Variants in OLFM1 observed in about 807,000 individuals in gnomAD.
OLFM1 encodes olfactomedin 1.
In OLFM1, 9 loss-of-function variants were observed where a neutral mutation model predicts 49.7. That is an observed-to-expected ratio of 0.18 (90% CI 0.11 to 0.32). The LOEUF is 0.32. OLFM1 is among the 10% of genes least tolerant of loss of function. The pLI is 1.00. For missense variants in OLFM1, 369 were observed against 661.8 expected (o/e 0.56, Z 4.85); for synonymous variants, 240 against 271.8 (o/e 0.88, Z 1.15).
chr9:135,083,545 T>C (rs2119090250), upstream of OLFM1, among the ~76,000 whole-genome samples: 1 of 152,036 alleles, frequency 6.6e-6, no homozygotes, highest in African/African-American at 2.4e-5. Context: ...GGCAAGTAGC[T>C]CCCCATCACT....
In OLFM1 at chr9:135,077,150, G is replaced by GCACACACA. The variant is rs147807021; in HGVS notation, c.96+1359_96+1366dup. On this transcript the variant is annotated intron_variant, in intron 1 of 5. Transcript: ENST00000252854. ...GCTGGACAGATGCATTCATTCATGT[G>GCACACACA]CACACACACACACACACATGCACAC... 20 of 1,509,232 alleles carry GCACACACA rather than the reference G, an allele frequency of 1.3e-5. No individual in the cohort carries two copies. The African/African-American group carries it at 2.1e-4, about 16-fold the overall frequency. 93.5% of individuals were successfully genotyped at this position (1,509,232 alleles called of 1,614,324 possible).
intron 2 of OLFM1, among the ~76,000 whole-genome samples, chr9:135,091,694 CACACAG>C (rs1830705193): frequency 7.0e-6 from 1 of 142,768 alleles, no homozygotes; most frequent in Non-Finnish European, 1.5e-5. Flanking sequence ...GTCTCACACA[CACACAG>C]TCACACTCAC....
At position 135,098,548 on chromosome 9, in the gene OLFM1, C is replaced by T. The variant is rs754043275; in HGVS notation, c.676+43C>T. Reference sequence around the variant, plus strand: ...CGGGACGTGGCGCTGCACTGCCCACCTCCGGCACACGCACAGGCTTAGGGA... The same window carrying T: ...CGGGACGTGGCGCTGCACTGCCCACTTCCGGCACACGCACAGGCTTAGGGA... On this transcript the variant is annotated intron_variant, in intron 4 of 5. Coordinates refer to ENST00000371793, the MANE Select transcript of OLFM1 (RefSeq NM_001282611.2). The surrounding 1 kb of genome is among the most constrained non-coding windows in gnomAD (Gnocchi z 5.6). 1.1e-4 allele frequency: 164 copies of T among 1,530,948 alleles called. No individual in the cohort carries two copies. Among genetic ancestry groups the T allele is most frequent in the Non-Finnish European group, 1.4e-4 (160 of 1,107,012 alleles). The allele number at this position is 1,530,948 out of a possible 1,614,324, so 94.8% of individuals were successfully genotyped here. A position where few individuals can be genotyped will look rare whatever the true frequency, so the allele number is the denominator to read the frequency against.
At position 135,113,265 on chromosome 9, in the gene OLFM1, G is replaced by A. The variant is rs1182176902; in HGVS notation, c.784-6239G>A. On this transcript the variant is annotated intron_variant, in intron 5 of 5. Coordinates refer to ENST00000371793, the MANE Select transcript of OLFM1 (RefSeq NM_001282611.2). This position sits in a 1 kb window ranked among gnomAD's most constrained non-coding sequence, Gnocchi z 4.0. Reference sequence around the variant, plus strand: ...GGCTAGTCCGGAGGCCAAGCCCCCTGTGGTCTCGGTTTTCAGATGGGCTGA... The same window carrying A: ...GGCTAGTCCGGAGGCCAAGCCCCCTATGGTCTCGGTTTTCAGATGGGCTGA... 6.6e-6 allele frequency among the ~76,000 whole-genome samples: 1 copy of A among 152,114 alleles called. No individual in the cohort carries two copies. The highest frequency in any genetic ancestry group is 1.5e-5 in the Non-Finnish European group (1 of 68,030).
intron 4 of OLFM1, among the ~76,000 whole-genome samples, chr9:135,102,511 G>C (rs1402146903): frequency 6.6e-6 from 1 of 152,194 alleles, no homozygotes; most frequent in African/African-American, 2.4e-5. Context: ...CTCCCAGGAA[G>C]TTCTCCAGAT....
Position 135,107,279 on chromosome 9 carries a change from A to G in OLFM1, c.783+424A>G, listed in dbSNP as rs1015797821. ...ATTAGGCCTTTCTTGTTTTAATGAC[A>G]TCTCATTTGTATTTCATTTGCCATT... On this transcript the variant is annotated intron_variant, in intron 5 of 5. Transcript: ENST00000371793. 3.3e-5 allele frequency among the ~76,000 whole-genome samples: 5 copies of G among 152,326 alleles called. No homozygotes were observed. In the South Asian group the frequency reaches 6.2e-4, roughly 19 times the overall value.
At chr9:135,119,461 G>C in intron 5 of OLFM1, 43 bp from the exon 6 acceptor site, 2 of 1,521,212 alleles carry the variant, frequency 1.3e-6, no homozygotes, top group Non-Finnish European at 9.0e-7. Flanking sequence ...AGTACTCACT[G>C]GGTCTTTGGA....
chr9:135,087,834 GGGC>G lies in OLFM1; in HGVS notation c.-141_-139del, dbSNP rs995488041. 5.6e-4 allele frequency: 511 copies of G among 919,684 alleles called. No individual in the cohort carries two copies. The highest frequency in any genetic ancestry group is 6.1e-4 in the Non-Finnish European group (468 of 772,650). The allele number at this position is 919,684 out of a possible 1,614,324, so 57.0% of individuals were successfully genotyped here. A position where few individuals can be genotyped will look rare whatever the true frequency, so the allele number is the denominator to read the frequency against. ...GGCGCGGCGATGGCCGGGGCGCGCG[GGGC>G]GGCGGCGGCGGCGGGCGGGCGGCGG... On this transcript the variant is annotated 5_prime_UTR_variant, in exon 1 of 6. Coordinates refer to ENST00000371793, the MANE Select transcript of OLFM1 (RefSeq NM_001282611.2).
At chr9:135,114,132 T>C (rs1346375791) in intron 5 of OLFM1, among the ~76,000 whole-genome samples, 24 of 105,022 alleles carry the variant, frequency 2.3e-4, no homozygotes, top group African/African-American at 1.3e-3. Flanking sequence ...TCTTTTTTTT[T>C]TTTTTTTTTT....
At chr9:135,116,230 C>G (rs1247144999) in intron 5 of OLFM1, among the ~76,000 whole-genome samples, 1 of 152,154 alleles carries the variant, frequency 6.6e-6, no homozygotes, top group Non-Finnish European at 1.5e-5. Context: ...TTCTGAGTGC[C>G]TCTCTTTGCA....
chr9:135,076,219 C>T (rs1419126998), intron 1 of OLFM1: 1 of 1,550,622 alleles, frequency 6.4e-7, no homozygotes, highest in South Asian at 1.2e-5. Context: ...AACACACACC[C>T]CTGAGTGGCT....
upstream of OLFM1, among the ~76,000 whole-genome samples, chr9:135,083,424 C>T (rs939124935): frequency 2.6e-5 from 4 of 152,128 alleles, no homozygotes; most frequent in African/African-American, 9.7e-5. Flanking sequence ...GACAAGTCAG[C>T]TCTCTGGATG....
At chr9:135,115,988 C>T (rs540000701) in intron 5 of OLFM1, among the ~76,000 whole-genome samples, 4 of 152,270 alleles carry the variant, frequency 2.6e-5, no homozygotes, top group South Asian at 4.1e-4. Flanking sequence ...TTGGAAAGAA[C>T]GATAGGTCCT....
rs936859671 is a variant in OLFM1, at chr9:135,095,905, G to A, written c.342G>A (p.Arg114=). The change falls in exon 3 of 6, where the codon CGG becomes CGA. Residue 114 remains arginine (R), a synonymous_variant. Coordinates refer to ENST00000371793, the MANE Select transcript of OLFM1 (RefSeq NM_001282611.2). ...MSQSIEVLDR[R]TQRDLQYVEK... is the part of the protein sequence containing the mutation. ...AATCCATAGAGGTCTTGGACAGGCGGACCCAGAGAGACTTGCAGTACGTGG... is the reference window on the plus strand; with the variant it reads ...AATCCATAGAGGTCTTGGACAGGCGAACCCAGAGAGACTTGCAGTACGTGG... 7 of 1,613,030 alleles carry A rather than the reference G, an allele frequency of 4.3e-6. No individual in the cohort carries two copies. The African/African-American group carries it at 8.0e-5, about 18-fold the overall frequency.
chr9:135,075,951 G>A (rs1441206057), intron 1 of OLFM1: 68 of 1,420,152 alleles, frequency 4.8e-5, no homozygotes, highest in Non-Finnish European at 6.1e-5. Flanking sequence ...GAGGGGGCCA[G>A]GGCGCTAGGC....
upstream of OLFM1, among the ~76,000 whole-genome samples, chr9:135,085,904 T>C (rs1172776128): frequency 4.6e-5 from 7 of 152,154 alleles, no homozygotes; most frequent in Admixed American, 4.6e-4. Context: ...CAGGTGCAGG[T>C]TGGAGCCGCT....
At chr9:135,112,343 C>A (rs943732) in intron 5 of OLFM1, among the ~76,000 whole-genome samples, 1 of 152,144 alleles carries the variant, frequency 6.6e-6, no homozygotes, top group African/African-American at 2.4e-5. Context: ...GCTGCACTGG[C>A]CTTCTGTTCC....
Position 135,087,870 on chromosome 9 carries a change from AG to A in OLFM1, c.-115del. ...GCGGCGGGCGGGCGGCGGCGGGCCG[AG>A]GGGGCGCGGGGACACAGCCAGGCGC... On this transcript the variant is annotated 5_prime_UTR_variant, in exon 1 of 6. It removes the in-frame stop codon of an upstream open reading frame in the 5' UTR. Coordinates refer to ENST00000371793, the MANE Select transcript of OLFM1 (RefSeq NM_001282611.2). 1 of 652,646 alleles carries A rather than the reference AG, an allele frequency of 1.5e-6. No individual in the cohort carries two copies. The highest frequency in any genetic ancestry group is 1.9e-6 in the Non-Finnish European group (1 of 532,590). 40.4% of individuals were successfully genotyped at this position (652,646 alleles called of 1,614,324 possible).
chr9:135,113,005 G>A lies in OLFM1; in HGVS notation c.783+6150G>A, dbSNP rs957611248. Among the ~76,000 whole-genome samples, 4 of 152,222 alleles carry A rather than the reference G, an allele frequency of 2.6e-5. No individual in the cohort carries two copies. The highest frequency in any genetic ancestry group is 2.6e-4 in the Admixed American group (4 of 15,290). ...GGCAGCCTTGGGAACCTGGGTGGAAGCAAGCTGTGTCGGGGTCAGGGCAGG... is the reference window on the plus strand; with the variant it reads ...GGCAGCCTTGGGAACCTGGGTGGAAACAAGCTGTGTCGGGGTCAGGGCAGG... On this transcript the variant is annotated intron_variant, in intron 5 of 5. Transcript: ENST00000371793. The surrounding 1 kb of genome is among the most constrained non-coding windows in gnomAD (Gnocchi z 4.0).
Sources: gnomAD v4.1 joint callset for allele counts (sites outside exome capture counted in the v4.1 genomes callset) on GRCh38, gnomAD v4.1.1 for gene constraint, Gnocchi (gnomAD v3.1) non-coding constraint, MANE v1.5 for transcripts, NCBI Gene and HGNC (gene_info 2026-07-23, HGNC 2026-07-21) for gene names.